PPFIA2: variants seen among roughly 807,000 people sequenced by gnomAD.
PPFIA2 encodes liprin-alpha-2.
Under a neutral mutation model 175.5 loss-of-function variants are expected in PPFIA2, and 46 were observed. The ratio of observed to expected loss-of-function variants is 0.26; its 90% CI spans 0.21 to 0.34. The LOEUF (loss-of-function observed/expected upper bound fraction) is 0.34, where lower values mean the gene tolerates loss of function less well. Among genes scored for constraint, PPFIA2 ranks in the 10% least tolerant of loss-of-function variants. PPFIA2 has a pLI of 1.00. For missense variants in PPFIA2, 1,179 were observed against 1,506.1 expected, an observed-to-expected ratio of 0.78 and a Z score of 3.60; for synonymous variants, 568 against 511.4, an observed-to-expected ratio of 1.11 and a Z score of -1.49.
chr12:81,550,009 C>A (rs2067639266), intron 4 of PPFIA2, among the ~76,000 whole-genome samples: 1 of 151,894 alleles, frequency 6.6e-6, no homozygotes, highest in Non-Finnish European at 1.5e-5. Context: ...AGATAGCTTT[C>A]TTTCTGAAAG....
intron 10 of PPFIA2, among the ~76,000 whole-genome samples, chr12:81,375,155 A>C (rs1334798245): frequency 6.6e-6 from 1 of 152,150 alleles, no homozygotes; most frequent in Middle Eastern, 3.2e-3. Context: ...CTCTAGAGAT[A>C]AGGTTGACAA....
intron 4 of PPFIA2, among the ~76,000 whole-genome samples, chr12:81,659,775 C>A (rs1369398010): frequency 6.6e-6 from 1 of 152,152 alleles, no homozygotes; most frequent in African/African-American, 2.4e-5. Context: ...AGTCCCTGAC[C>A]CCTGAGTAGC....
intron 4 of PPFIA2, among the ~76,000 whole-genome samples, chr12:81,595,560 G>A (rs1169925119): frequency 6.6e-6 from 1 of 152,022 alleles, no homozygotes; most frequent in Non-Finnish European, 1.5e-5. Context: ...ATATAAAACT[G>A]ATGATTCACA....
chr12:81,757,650 T>A (rs1294398564), intron 2 of PPFIA2, among the ~76,000 whole-genome samples: 5 of 151,326 alleles, frequency 3.3e-5, no homozygotes, highest in African/African-American at 4.8e-5. Flanking sequence ...ATTTCTCAGA[T>A]TTCAAAATAA....
At position 81,540,695 on chromosome 12, in the gene PPFIA2, T is replaced by C. The variant is rs188129651; in HGVS notation, c.304-82829A>G. 5.4e-4 allele frequency among the ~76,000 whole-genome samples: 82 copies of C among 152,134 alleles called. 1 individual carries two copies. Among genetic ancestry groups the C allele is most frequent in the African/African-American group, 2.0e-3 (82 of 41,546 alleles). ...TTGTTTTATTGATACAAATGGAGTA[T>C]TCAAAACAAAAATTCATATACTTAA... is the stretch of plus-strand genomic sequence containing the variant. On this transcript the variant is annotated intron_variant, in intron 4 of 32. Coordinates refer to ENST00000549396, the MANE Select transcript of PPFIA2 (RefSeq NM_003625.5).
At chr12:81,453,037 C>T (rs1373997493) in intron 5 of PPFIA2, among the ~76,000 whole-genome samples, 1 of 150,694 alleles carries the variant, frequency 6.6e-6, no homozygotes, top group African/African-American at 2.4e-5. Context: ...GGTACATGTG[C>T]ACATTGTGCA....
intron 4 of PPFIA2, among the ~76,000 whole-genome samples, chr12:81,652,592 G>A (rs560527945): frequency 1.3e-4 from 20 of 152,094 alleles, no homozygotes; most frequent in Non-Finnish European, 2.5e-4. Context: ...CCACCTCCCC[G>A]TCTTTCCTTC....
intron 4 of PPFIA2, among the ~76,000 whole-genome samples, chr12:81,645,579 A>AT (rs892572753): frequency 3.7e-4 from 56 of 152,338 alleles, no homozygotes; most frequent in African/African-American, 1.3e-3. Context: ...GAAAAGTATT[A>AT]TTTTTTTCTT....
chr12:81,604,220 G>A (rs1384319062), intron 4 of PPFIA2, among the ~76,000 whole-genome samples: 1 of 151,726 alleles, frequency 6.6e-6, no homozygotes, highest in Non-Finnish European at 1.5e-5. Context: ...TTTCCAAAAA[G>A]AGAATCAATG....
chr12:81,393,081 C>A (rs77201108), intron 8 of PPFIA2, among the ~76,000 whole-genome samples: 1 of 152,042 alleles, frequency 6.6e-6, no homozygotes, highest in East Asian at 1.9e-4. Flanking sequence ...TTATAGCAGT[C>A]AGACTGATTC....
intron 3 of PPFIA2, among the ~76,000 whole-genome samples, chr12:81,686,114 T>C (rs1197521160): frequency 6.6e-6 from 1 of 152,054 alleles, no homozygotes. Context: ...GGAGAACTTC[T>C]TGGCATGCAT....
chr12:81,522,779 T>C (rs949926042), intron 4 of PPFIA2, among the ~76,000 whole-genome samples: 1 of 152,156 alleles, frequency 6.6e-6, no homozygotes, highest in African/African-American at 2.4e-5. Flanking sequence ...CCAGCTTGCT[T>C]TGACTGCAAA....
chr12:81,468,064 C>A (rs2146194880), intron 4 of PPFIA2, among the ~76,000 whole-genome samples: 1 of 152,290 alleles, frequency 6.6e-6, no homozygotes, highest in Admixed American at 6.5e-5. Flanking sequence ...TTTCCTTTGA[C>A]TTGCTCCATC....
chr12:81,503,911 A>AAAATACAATTTTTAATTGTATTTGAGC (rs1237402199), intron 4 of PPFIA2, among the ~76,000 whole-genome samples: 30 of 152,050 alleles, frequency 2.0e-4, no homozygotes, highest in Non-Finnish European at 2.9e-4. Context: ...AGCATTTAAA[A>AAAATACAATTTTTAATTGTATTTGAGC]AAATACAATT....
intron 4 of PPFIA2, among the ~76,000 whole-genome samples, chr12:81,591,714 GGGTGCACA>G (rs2058695404): frequency 6.6e-6 from 1 of 152,166 alleles, no homozygotes. Flanking sequence ...TTGAGCCTGT[GGGTGCACA>G]GAAGTCAAGA....
chr12:81,449,574 T>C (rs2052036443), intron 5 of PPFIA2, among the ~76,000 whole-genome samples: 1 of 151,968 alleles, frequency 6.6e-6, no homozygotes. Flanking sequence ...CCGGATTTTA[T>C]CACACCATTA....
At chr12:81,696,033 A>C (rs2075855423) in intron 3 of PPFIA2, among the ~76,000 whole-genome samples, 1 of 152,182 alleles carries the variant, frequency 6.6e-6, no homozygotes, top group Admixed American at 6.5e-5. Context: ...GTTGGTATTA[A>C]TACAAGAGCT....
chr12:81,561,547 T>A (rs1194295602), intron 4 of PPFIA2, among the ~76,000 whole-genome samples: 1 of 152,166 alleles, frequency 6.6e-6, no homozygotes, highest in East Asian at 1.9e-4. Flanking sequence ...TCTGTTGGTA[T>A]GTTAGAAAAA....
intron 6 of PPFIA2, among the ~76,000 whole-genome samples, chr12:81,441,722 G>C (rs1050466168): frequency 6.6e-6 from 1 of 151,850 alleles, no homozygotes; most frequent in Non-Finnish European, 1.5e-5. Context: ...ATCAAAAAAC[G>C]TTTCAACAGA....
Sources: gnomAD v4.1 joint callset for allele counts (sites outside exome capture counted in the v4.1 genomes callset) on GRCh38, gnomAD v4.1.1 for gene constraint, MANE v1.5 for transcripts, NCBI Gene and HGNC (gene_info 2026-07-23, HGNC 2026-07-21) for gene names.